Variants in FAXC observed in about 807,000 individuals in gnomAD.
The protein encoded by FAXC is failed axon connections homolog, metaxin like GST domain containing.
Under a neutral mutation model 41.9 loss-of-function variants are expected in FAXC, and 10 were observed. The observed-to-expected ratio is 0.24, with a 90% CI of 0.15 to 0.41. The LOEUF (loss-of-function observed/expected upper bound fraction) is 0.41. FAXC is among the 10% of genes least tolerant of loss of function. The probability of loss-of-function intolerance (pLI) is 1.00; values close to 1 mark genes in which losing one functional copy is unlikely to be tolerated. For synonymous variants in FAXC, 183 were observed against 183.8 expected (o/e 1.00, Z 0.03); for missense variants, 399 against 510.9 (o/e 0.78, Z 2.11).
chr6:99,332,080 T>TATCA (rs1163097968), intron 3 of FAXC, among the ~76,000 whole-genome samples: 1 of 152,112 alleles, frequency 6.6e-6, no homozygotes, highest in Non-Finnish European at 1.5e-5. Flanking sequence ...CTGCCTACTC[T>TATCA]ATCACCTCTT....
At chr6:99,333,804 A>C (rs1279244038) in intron 2 of FAXC, among the ~76,000 whole-genome samples, 2 of 152,166 alleles carry the variant, frequency 1.3e-5, no homozygotes, top group Non-Finnish European at 1.5e-5. Context: ...AAAGGAAAAA[A>C]AAGACCCCAG....
chr6:99,347,330 A>T (rs1319669980), intron 1 of FAXC, among the ~76,000 whole-genome samples: 2 of 151,244 alleles, frequency 1.3e-5, no homozygotes, highest in Non-Finnish European at 2.9e-5. Context: ...TGAACCAGGG[A>T]GGTGGAGGTT....
rs899053986 is a variant in FAXC at position 99,349,415 on chromosome 6, G to T, written c.-43C>A. ...GGGCGCCCCTCCCAGGGCCCGCGCC[G>T]CCCGCATGGGAAGGGGCCGGCGCGG... On this transcript the variant is annotated 5_prime_UTR_variant, in exon 1 of 6. Transcript: ENST00000389677. 14 of 1,500,536 alleles carry T rather than the reference G, an allele frequency of 9.3e-6. No individual in the cohort carries two copies. Among genetic ancestry groups the T allele is most frequent in the Non-Finnish European group, 1.2e-5 (14 of 1,129,310 alleles). 93.0% of individuals were successfully genotyped at this position (1,500,536 alleles called of 1,614,324 possible).
rs528724102 is a variant in FAXC, at chr6:99,321,600, G to A, written c.823+1844C>T. ...CTAACTCCAACTTTTCAACTAGCCT[G>A]CTCAGCTTCTCATCCCAGAAAATCC... On this transcript the variant is annotated intron_variant, in intron 4 of 5. Transcript: ENST00000389677. Among the ~76,000 whole-genome samples the A allele has an allele frequency of 2.0e-5, 3 of 152,340 alleles. No homozygotes were observed. The South Asian group carries it at 6.2e-4, about 32-fold the overall frequency.
intron 4 of FAXC, among the ~76,000 whole-genome samples, chr6:99,293,931 G>A (rs1771359278): frequency 6.6e-6 from 1 of 152,058 alleles, no homozygotes; most frequent in Non-Finnish European, 1.5e-5. Context: ...CAATGCACAG[G>A]AAAGACAGGA....
chr6:99,342,855 G>A, intron 2 of FAXC, 43 bp downstream of exon 2: 1 of 1,553,404 alleles, frequency 6.4e-7, no homozygotes, highest in Non-Finnish European at 8.7e-7. Context: ...CTCATCCCCT[G>A]ATACTGATGT....
At chr6:99,330,284 C>T (rs1343971200) in intron 3 of FAXC, among the ~76,000 whole-genome samples, 1 of 152,222 alleles carries the variant, frequency 6.6e-6, no homozygotes, top group Non-Finnish European at 1.5e-5. Context: ...GTATGTCACA[C>T]TGAAGAAGCT....
intron 4 of FAXC, among the ~76,000 whole-genome samples, chr6:99,296,889 A>G (rs1771519424): frequency 6.6e-6 from 1 of 152,158 alleles, no homozygotes; most frequent in Non-Finnish European, 1.5e-5. Flanking sequence ...GTAAAATTTC[A>G]TATGACCTCT....
chr6:99,291,965 TA>T (rs111611123), intron 4 of FAXC, 145 bp from the exon 5 acceptor site: 415 of 635,212 alleles, frequency 6.5e-4, no homozygotes, highest in East Asian at 7.1e-4. Context: ...CCCTTTTGCT[TA>T]AAAAAAAATA....
Position 99,322,384 on chromosome 6 carries a change from C to T in FAXC, c.823+1060G>A, listed in dbSNP as rs147302078. Among the ~76,000 whole-genome samples, 373 of 152,270 alleles carry T rather than the reference C, an allele frequency of 2.4e-3. 3 individuals are homozygous for T. The highest frequency in any genetic ancestry group is 8.2e-3 in the African/African-American group (340 of 41,536). On this transcript the variant is annotated intron_variant, in intron 4 of 5. Transcript: ENST00000389677. ...TGCAAGGGACAGGTTATATCCAGAACGGCCTCTACCCAGCATGGCTTCCAG... is the reference window on the plus strand; with the variant it reads ...TGCAAGGGACAGGTTATATCCAGAATGGCCTCTACCCAGCATGGCTTCCAG...
At chr6:99,335,699 A>C (rs1485430208) in intron 2 of FAXC, among the ~76,000 whole-genome samples, 1 of 152,178 alleles carries the variant, frequency 6.6e-6, no homozygotes, top group African/African-American at 2.4e-5. Flanking sequence ...GTGATTGAGC[A>C]CCTTTTCTGC....
At chr6:99,334,324 C>T (rs1391106063) in intron 2 of FAXC, among the ~76,000 whole-genome samples, 1 of 152,122 alleles carries the variant, frequency 6.6e-6, no homozygotes, top group Non-Finnish European at 1.5e-5. Flanking sequence ...GTTATAGGGG[C>T]TGCTGTTAGT....
In FAXC at chr6:99,293,358, C is replaced by A. The variant is rs143762059; in HGVS notation, c.824-1538G>T. On this transcript the variant is annotated intron_variant, in intron 4 of 5. Coordinates refer to ENST00000389677, the MANE Select transcript of FAXC (RefSeq NM_032511.4). Reference sequence around the variant, plus strand: ...ATGCTGTGCACCCTCTCTCTGCCCCCACAACTTATATGTGCTCACCACTTC... The same window carrying A: ...ATGCTGTGCACCCTCTCTCTGCCCCAACAACTTATATGTGCTCACCACTTC... 9.9e-5 allele frequency among the ~76,000 whole-genome samples: 15 copies of A among 152,276 alleles called. 1 individual carries two copies. The East Asian group carries it at 2.9e-3, about 29-fold the overall frequency.
intron 4 of FAXC, among the ~76,000 whole-genome samples, chr6:99,297,008 G>A (rs1163213262): frequency 6.6e-6 from 1 of 152,198 alleles, no homozygotes; most frequent in Non-Finnish European, 1.5e-5. Flanking sequence ...ACTAAACCAT[G>A]AATAACAAGA....
At chr6:99,309,629 C>G (rs541539740) in intron 4 of FAXC, among the ~76,000 whole-genome samples, 48 of 152,240 alleles carry the variant, frequency 3.2e-4, no homozygotes, top group African/African-American at 1.1e-3. Context: ...GGCCCTCGGT[C>G]CTCTGGAAGT....
intron 4 of FAXC, among the ~76,000 whole-genome samples, chr6:99,295,470 T>C (rs1242261878): frequency 6.6e-6 from 1 of 152,130 alleles, no homozygotes; most frequent in Non-Finnish European, 1.5e-5. Context: ...ATCCAATCAG[T>C]TGAAGGCCTG....
At chr6:99,293,704 G>C (rs529730316) in intron 4 of FAXC, among the ~76,000 whole-genome samples, 1,618 of 101,976 alleles carry the variant, frequency 0.016, 41 homozygotes, top group African/African-American at 0.052. Context: ...GTGTGTGTGT[G>C]TGTGTGTGTC....
At chr6:99,309,625 C>T (rs928124021) in intron 4 of FAXC, among the ~76,000 whole-genome samples, 5 of 152,132 alleles carry the variant, frequency 3.3e-5, no homozygotes, top group African/African-American at 9.7e-5. Context: ...ACCAGGCCCT[C>T]GGTCCTCTGG....
rs370176056 is a variant in FAXC, at chr6:99,307,664, T to A, written c.823+15780A>T. Reference sequence around the variant, plus strand: ...GGGGTCAGAGGGCCCCAGGAACCAGTTAAGTCTGGAGCTGGCCTATAGGAG... The same window carrying A: ...GGGGTCAGAGGGCCCCAGGAACCAGATAAGTCTGGAGCTGGCCTATAGGAG... On this transcript the variant is annotated intron_variant, in intron 4 of 5. Transcript: ENST00000389677. 1.3e-3 allele frequency among the ~76,000 whole-genome samples: 191 copies of A among 152,182 alleles called. 6 individuals are homozygous for A. In the South Asian group the frequency reaches 0.038, roughly 31 times the overall value.
Sources: allele counts gnomAD v4.1 joint callset (sites outside exome capture counted in the v4.1 genomes callset), GRCh38; gene constraint gnomAD v4.1.1; transcripts MANE v1.5; gene names NCBI Gene and HGNC (gene_info 2026-07-23, HGNC 2026-07-21).